CNOT4: variants seen among roughly 807,000 people sequenced by gnomAD.
The protein encoded by CNOT4 is CCR4-NOT transcription complex subunit 4, also known as CCR4-associated factor 4.
A neutral mutation model predicts 73.8 loss-of-function variants in CNOT4; 8 were observed. The observed-to-expected ratio is 0.11, with a 90% CI of 0.06 to 0.20. CNOT4 has a LOEUF of 0.20. Among genes scored for constraint, CNOT4 ranks in the 10% least tolerant of loss-of-function variants. The probability of loss-of-function intolerance (pLI) is 1.00; values close to 1 mark genes in which losing one functional copy is unlikely to be tolerated. For synonymous variants in CNOT4, 293 were observed against 321.1 expected (o/e 0.91, Z 0.94); for missense variants, 564 against 883.4 (o/e 0.64, Z 4.58).
chr7:135,376,718 ATCAG>A (rs1395388592), intron 10 of CNOT4, among the ~76,000 whole-genome samples: 11 of 152,318 alleles, frequency 7.2e-5, no homozygotes, highest in East Asian at 3.9e-4. Context: ...AATAGTAAAG[ATCAG>A]TCAGTCTTAT....
chr7:135,374,435 G>C (rs1191696931), intron 10 of CNOT4, among the ~76,000 whole-genome samples: 1 of 151,704 alleles, frequency 6.6e-6, no homozygotes, highest in African/African-American at 2.4e-5. Flanking sequence ...GTATAGCATG[G>C]ATAACAGCAG....
At chr7:135,445,808 C>T (rs1021006030) in intron 1 of CNOT4, among the ~76,000 whole-genome samples, 5 of 152,072 alleles carry the variant, frequency 3.3e-5, no homozygotes, top group Non-Finnish European at 5.9e-5. Context: ...TGAATGAACC[C>T]TGAAAACACT....
chr7:135,504,462 A>ATT (rs34100799), intron 1 of CNOT4, among the ~76,000 whole-genome samples: 907 of 55,822 alleles, frequency 0.016, 48 homozygotes, highest in East Asian at 0.051. Flanking sequence ...CATCCGGCTA[A>ATT]TTTTTTTTTT....
chr7:135,502,135 C>T (rs959227077), intron 1 of CNOT4, among the ~76,000 whole-genome samples: 1 of 152,216 alleles, frequency 6.6e-6, no homozygotes, highest in African/African-American at 2.4e-5. Flanking sequence ...GTCTCCAAAA[C>T]CATGAGCCAA....
intron 1 of CNOT4, among the ~76,000 whole-genome samples, chr7:135,502,980 C>T (rs1463228396): frequency 6.6e-6 from 1 of 151,672 alleles, no homozygotes; most frequent in Non-Finnish European, 1.5e-5. Flanking sequence ...TGGTGAAACC[C>T]TGTCTCTACC....
At chr7:135,375,956 G>GTGTA (rs1231275928) in intron 10 of CNOT4, among the ~76,000 whole-genome samples, 6 of 151,736 alleles carry the variant, frequency 4.0e-5, no homozygotes, top group African/African-American at 1.2e-4. Flanking sequence ...GTGTGTGTGT[G>GTGTA]TGTATGTGTG....
rs1181516284 is a variant in CNOT4, at chr7:135,504,694, GC to G, written c.-93+5194del. ...GTAGAGACGGGGTTTCACCGTTTTA[GC>G]CGGGATGGTCTCGATCTCCTGATCT... On this transcript the variant is annotated intron_variant, in intron 1 of 11. Transcript: ENST00000541284. Among the ~76,000 whole-genome samples the G allele has an allele frequency of 1.7e-5, 2 of 120,506 alleles. 1 individual carries two copies. Among genetic ancestry groups the G allele is most frequent in the Non-Finnish European group, 3.5e-5 (2 of 57,518 alleles). The allele number at this position is 120,506 out of a possible 152,430, so 79.1% of individuals were successfully genotyped here.
chr7:135,396,509 G>A (rs1412746986), intron 8 of CNOT4, among the ~76,000 whole-genome samples: 5 of 152,102 alleles, frequency 3.3e-5, no homozygotes, highest in African/African-American at 1.2e-4. Flanking sequence ...TTGCTCAAGA[G>A]TGAAAACTTT....
At chr7:135,436,296 C>T (rs1404266492) in intron 2 of CNOT4, among the ~76,000 whole-genome samples, 2 of 149,554 alleles carry the variant, frequency 1.3e-5, no homozygotes, top group Admixed American at 6.6e-5. Context: ...ACTTATTTTT[C>T]TGTAATGACA....
intron 1 of CNOT4, among the ~76,000 whole-genome samples, chr7:135,440,779 C>T (rs113367799): frequency 1.3e-5 from 2 of 151,970 alleles, no homozygotes; most frequent in Non-Finnish European, 2.9e-5. Context: ...ATTAGCTGGG[C>T]GTGGTGGCAC....
chr7:135,498,162 A>ATACTAC (rs57969002), intron 1 of CNOT4, among the ~76,000 whole-genome samples: 7,241 of 152,224 alleles, frequency 0.048, 577 homozygotes, highest in African/African-American at 0.17. Flanking sequence ...GCCTGGTTCC[A>ATACTAC]TACTACCCAG....
chr7:135,423,483 A>C (rs753604320), intron 2 of CNOT4, among the ~76,000 whole-genome samples: 2 of 152,066 alleles, frequency 1.3e-5, no homozygotes, highest in Non-Finnish European at 2.9e-5. Context: ...AAAAAAAAAA[A>C]AACCTCTCAA....
Position 135,364,069 on chromosome 7 carries a change from G to A in CNOT4, c.1628-3C>T, listed in dbSNP as rs1311056562. 6.4e-7 allele frequency: 1 copy of A among 1,560,470 alleles called. No homozygotes were observed. The highest frequency in any genetic ancestry group is 8.6e-7 in the Non-Finnish European group (1 of 1,158,498). On this transcript the variant is annotated splice_polypyrimidine_tract_variant and splice_region_variant and intron_variant, in intron 10 of 11. Transcript: ENST00000541284. This position sits in a 1 kb window ranked among gnomAD's most constrained non-coding sequence, Gnocchi z 4.3. ...ACTCTCTACAGAACTGCTGTTGTCT[G>A]GGAGATTTACCAACAAAAAAATGAA...
chr7:135,418,542 G>C (rs1224623648), intron 3 of CNOT4, among the ~76,000 whole-genome samples: 1 of 152,184 alleles, frequency 6.6e-6, no homozygotes, highest in Non-Finnish European at 1.5e-5. Flanking sequence ...TCAGATGGAT[G>C]AATGAGTGAA....
chr7:135,454,751 G>A (rs1417416067), intron 1 of CNOT4, among the ~76,000 whole-genome samples: 2 of 152,126 alleles, frequency 1.3e-5, no homozygotes, highest in African/African-American at 2.4e-5. Context: ...AATGAGCTGG[G>A]TATGGTGGCG....
At chr7:135,509,808 G>A (rs1289721003) in intron 1 of CNOT4, 81 bp downstream of exon 1, 1 of 379,774 alleles carries the variant, frequency 2.6e-6, no homozygotes, top group Middle Eastern at 6.6e-4. Context: ...GGTGCGGCCT[G>A]TACAGTCCCA....
At chr7:135,480,886 T>C (rs1481966163) in intron 1 of CNOT4, among the ~76,000 whole-genome samples, 4 of 130,300 alleles carry the variant, frequency 3.1e-5, no homozygotes, top group Non-Finnish European at 6.5e-5. Context: ...GATATCTATA[T>C]GCAAAAAAAA....
At position 135,508,561 on chromosome 7, in the gene CNOT4, G is replaced by C. The variant is rs112232272; in HGVS notation, c.-93+1328C>G. Among the ~76,000 whole-genome samples the C allele has an allele frequency of 2.6e-5, 4 of 152,236 alleles. 1 individual carries two copies. Among genetic ancestry groups the C allele is most frequent in the African/African-American group, 9.6e-5 (4 of 41,554 alleles). On this transcript the variant is annotated intron_variant, in intron 1 of 11. Transcript: ENST00000541284. ...TTTTCAAGACAAGACAATTTATTCT[G>C]ATAACTATCATCCTAGAAATGTCAA...
intron 2 of CNOT4, among the ~76,000 whole-genome samples, chr7:135,437,799 G>A (rs1036020027): frequency 6.6e-6 from 1 of 152,140 alleles, no homozygotes; most frequent in African/African-American, 2.4e-5. Flanking sequence ...AATATAAAAT[G>A]TTTTTCTAAT....
Sources: gnomAD v4.1 joint callset for allele counts (sites outside exome capture counted in the v4.1 genomes callset) on GRCh38, gnomAD v4.1.1 for gene constraint, Gnocchi (gnomAD v3.1) non-coding constraint, MANE v1.5 for transcripts, NCBI Gene and HGNC (gene_info 2026-07-23, HGNC 2026-07-21) for gene names.